CCZ1: variants seen among roughly 807,000 people sequenced by gnomAD.
CCZ1 encodes vacuolar fusion protein CCZ1 homolog.
In CCZ1, 19 loss-of-function variants were observed where a neutral mutation model predicts 57.8. The ratio of observed to expected loss-of-function variants is 0.33; its 90% confidence interval spans 0.23 to 0.48. The LOEUF (loss-of-function observed/expected upper bound fraction) is 0.48. CCZ1 is among the 20% of genes least tolerant of loss of function. The pLI is 0.99. For synonymous variants in CCZ1, 81 were observed against 167.0 expected (o/e 0.49, Z 3.97); for missense variants, 200 against 492.0 (o/e 0.41, Z 5.61).
At chr7:5,913,938 CT>C (rs1221811850) in intron 10 of CCZ1, among the ~76,000 whole-genome samples, 1 of 133,470 alleles carries the variant, frequency 7.5e-6, no homozygotes, top group Non-Finnish European at 1.7e-5. Flanking sequence ...GAATGAGGCC[CT>C]GCTCATTCTG....
Position 5,910,726 on chromosome 7 carries a change from A to AT in CCZ1, c.780+613dup, listed in dbSNP as rs1781954517. Reference sequence around the variant, plus strand: ...TTTTATTTTATTTATTTATTTATTTATTTATTTATTTATTTATTTATTTAT... The same window carrying AT: ...TTTTATTTTATTTATTTATTTATTTATTTTATTTATTTATTTATTTATTTAT... On this transcript the variant is annotated intron_variant, in intron 8 of 14. Coordinates refer to ENST00000325974, the MANE Select transcript of CCZ1 (RefSeq NM_015622.6). Among the ~76,000 whole-genome samples the AT allele has an allele frequency of 9.0e-5, 8 of 89,152 alleles. 1 individual carries two copies. Among genetic ancestry groups the AT allele is most frequent in the Non-Finnish European group, 1.6e-4 (7 of 42,806 alleles). The allele number at this position is 89,152 out of a possible 152,430, so 58.5% of individuals were successfully genotyped here.
chr7:5,906,904 G>C (rs569871563), intron 7 of CCZ1, among the ~76,000 whole-genome samples: 2 of 149,522 alleles, frequency 1.3e-5, no homozygotes, highest in South Asian at 2.2e-4. Context: ...GTCGCTTTCT[G>C]TTGCCCAGGC....
chr7:5,900,388 C>G lies in CCZ1; in HGVS notation c.218+7C>G. 1.3e-6 allele frequency: 2 copies of G among 1,554,882 alleles called. No homozygotes were observed. The highest frequency in any genetic ancestry group is 1.7e-6 in the Non-Finnish European group (2 of 1,146,840). On this transcript the variant is annotated splice_region_variant and intron_variant, in intron 2 of 14. Coordinates refer to ENST00000325974, the MANE Select transcript of CCZ1 (RefSeq NM_015622.6). Reference sequence around the variant, plus strand: ...CTATTGTACAGTTTACAAGGTAATACCTCTAAGTGTGCTTTTAGCGTTCAG... The same window carrying G: ...CTATTGTACAGTTTACAAGGTAATAGCTCTAAGTGTGCTTTTAGCGTTCAG...
At chr7:5,912,148 G>A (rs1195942475) in intron 9 of CCZ1, among the ~76,000 whole-genome samples, 1 of 111,342 alleles carries the variant, frequency 9.0e-6, no homozygotes, top group Non-Finnish European at 2.1e-5. Context: ...AGTAGAAACA[G>A]GGTTTCATCA....
rs747353995 is a variant in CCZ1 at position 5,905,106 on chromosome 7, C to G, written c.535C>G (p.Leu179Val). ...TTTTTTCCCACAGTATTTGCAAACGCTACATTTGCAGTCATGTGACCTACT... is the reference window on the plus strand; with the variant it reads ...TTTTTTCCCACAGTATTTGCAAACGGTACATTTGCAGTCATGTGACCTACT... Reference protein sequence around the residue: ...EKFFHRYLQTLHLQSCDLLDI... With the variant: ...EKFFHRYLQTVHLQSCDLLDI... The change falls in exon 7 of 15, where the codon CTA (leucine) becomes GTA (valine). Residue 179 changes from leucine to valine, a missense_variant. Physicochemically the swap from Leu to Val is conservative, Grantham distance 32. Transcript: ENST00000325974. 42 of 1,598,914 alleles carry G rather than the reference C, an allele frequency of 2.6e-5. No homozygotes were observed. The highest frequency in any genetic ancestry group is 5.6e-5 in the African/African-American group (4 of 71,118).
chr7:5,906,564 T>A (rs1781830908), intron 7 of CCZ1, among the ~76,000 whole-genome samples: 1 of 148,068 alleles, frequency 6.8e-6, no homozygotes, highest in Non-Finnish European at 1.5e-5. Flanking sequence ...CTCAGGTGAT[T>A]CCCCTGCATA....
rs2952943 is a variant in CCZ1, at chr7:5,904,396, A to T, written c.523-698A>T. Reference sequence around the variant, plus strand: ...CCGCTGTGCCTGGCCAGGAATTAAAAACTTGAAAGTGCTAGCTGGGCACAG... The same window carrying T: ...CCGCTGTGCCTGGCCAGGAATTAAATACTTGAAAGTGCTAGCTGGGCACAG... On this transcript the variant is annotated intron_variant, in intron 6 of 14. Transcript: ENST00000325974. Among the ~76,000 whole-genome samples, 402 of 146,188 alleles carry T rather than the reference A, an allele frequency of 2.7e-3. 21 individuals are homozygous for T. Among genetic ancestry groups the T allele is most frequent in the Middle Eastern group, 0.01 (3 of 292 alleles).
At chr7:5,902,769 A>T (rs778606875) in intron 6 of CCZ1, 25 bp downstream of exon 6, 27 of 1,587,426 alleles carry the variant, frequency 1.7e-5, no homozygotes, top group Non-Finnish European at 2.3e-5. Flanking sequence ...TTTCATTTAT[A>T]ACTTTAGTAA....
At chr7:5,908,176 G>A (rs1781879763) in intron 7 of CCZ1, among the ~76,000 whole-genome samples, 1 of 143,812 alleles carries the variant, frequency 7.0e-6, no homozygotes, top group African/African-American at 2.6e-5. Flanking sequence ...ATACCAAAAA[G>A]ACTTTTAAGC....
intron 1 of CCZ1, among the ~76,000 whole-genome samples, chr7:5,899,705 T>C (rs1379545623): frequency 2.0e-5 from 3 of 150,008 alleles, no homozygotes; most frequent in Non-Finnish European, 4.4e-5. Context: ...TGATTGAGGC[T>C]GCAGGTGAGC....
intron 12 of CCZ1, among the ~76,000 whole-genome samples, chr7:5,923,184 GC>G (rs1217520705): frequency 1.1e-5 from 1 of 88,880 alleles, no homozygotes; most frequent in Non-Finnish European, 2.2e-5. Flanking sequence ...GGGCGTGGTG[GC>G]GGGCGCCTGT....
chr7:5,909,866 T>C (rs1385944692), intron 7 of CCZ1, among the ~76,000 whole-genome samples, 169 bp from the exon 8 acceptor site: 1 of 151,552 alleles, frequency 6.6e-6, no homozygotes, highest in African/African-American at 2.4e-5. Flanking sequence ...GGTACAAAAA[T>C]AGATTGCTTT....
chr7:5,922,880 A>C (rs1196166799), intron 12 of CCZ1, among the ~76,000 whole-genome samples: 1 of 150,214 alleles, frequency 6.7e-6, no homozygotes, highest in Non-Finnish European at 1.5e-5. Flanking sequence ...TTTACGGTAA[A>C]GGACCCAATA....
intron 6 of CCZ1, among the ~76,000 whole-genome samples, chr7:5,904,410 A>G (rs373164699): frequency 6.8e-6 from 1 of 146,392 alleles, no homozygotes; most frequent in East Asian, 2.3e-4. Context: ...TGAAAGTGCT[A>G]GCTGGGCACA....
intron 7 of CCZ1, among the ~76,000 whole-genome samples, chr7:5,906,618 T>C (rs1781832761): frequency 6.7e-6 from 1 of 148,722 alleles, no homozygotes; most frequent in Non-Finnish European, 1.5e-5. Flanking sequence ...CCACTGCACC[T>C]GGCCTAGCCC....
rs548366482 is a variant in CCZ1, at chr7:5,910,209, C to A, written c.780+93C>A. ...GGTGGTGCATGGGGGCGTTTCTGAT[C>A]GTTTCTGATGTATGTTTTGTCTTAC... On this transcript the variant is annotated intron_variant, in intron 8 of 14. Transcript: ENST00000325974. The A allele has an allele frequency of 1.2e-4, 122 of 1,060,712 alleles. 1 individual carries two copies. Among genetic ancestry groups the A allele is most frequent in the African/African-American group, 9.0e-4 (58 of 64,230 alleles). The allele number at this position is 1,060,712 out of a possible 1,614,324, so 65.7% of individuals were successfully genotyped here.
rs1276122683 is a variant in CCZ1, at chr7:5,925,943, TA to T, written c.*258del. 1.5e-6 allele frequency: 1 copy of T among 652,204 alleles called. No individual in the cohort carries two copies. Among genetic ancestry groups the T allele is most frequent in the East Asian group, 2.8e-5 (1 of 35,928 alleles). 40.4% of individuals were successfully genotyped at this position (652,204 alleles called of 1,614,324 possible). A position where few individuals can be genotyped will look rare whatever the true frequency, so the allele number is the denominator to read the frequency against. On this transcript the variant is annotated 3_prime_UTR_variant, in exon 15 of 15. Coordinates refer to ENST00000325974, the MANE Select transcript of CCZ1 (RefSeq NM_015622.6). ...ATTATGTGAATATTTTACTGGAAAA[TA>T]AGACTAATAAATTGTTAAAAGTTTT...
At chr7:5,910,160 C>G (rs763956451) in intron 8 of CCZ1, 44 bp downstream of exon 8, 1 of 1,519,340 alleles carries the variant, frequency 6.6e-7, no homozygotes, top group Admixed American at 1.7e-5. Flanking sequence ...TGCAGGGGCA[C>G]AGAGAGGGCA....
chr7:5,919,745 C>A (rs1779201062), intron 11 of CCZ1, 104 bp from the exon 12 acceptor site: 1 of 1,536,488 alleles, frequency 6.5e-7, no homozygotes, highest in Non-Finnish European at 8.9e-7. Context: ...CCTGAGCATT[C>A]ATTGTTTGTT....
Sources: allele counts gnomAD v4.1 joint callset (sites outside exome capture counted in the v4.1 genomes callset), GRCh38; gene constraint gnomAD v4.1.1; transcripts MANE v1.5; gene names NCBI Gene and HGNC (gene_info 2026-07-23, HGNC 2026-07-21).